PHLPP1: variants seen among roughly 807,000 people sequenced by gnomAD.
PHLPP1 encodes PH domain and leucine rich repeat protein phosphatase 1, also known as PH domain leucine-rich repeat-containing protein phosphatase 1.
In PHLPP1, 42 loss-of-function variants were observed where a neutral mutation model predicts 117.2. The observed-to-expected ratio is 0.36, with a 90% CI of 0.28 to 0.46. The LOEUF (loss-of-function observed/expected upper bound fraction) is 0.46. PHLPP1 is among the 20% of genes least tolerant of loss of function. The probability of loss-of-function intolerance (pLI) is 1.00; values close to 1 mark genes in which losing one functional copy is unlikely to be tolerated. For missense variants in PHLPP1, 2,084 were observed against 2,241.9 expected (o/e 0.93, Z 1.42); for synonymous variants, 1,042 against 970.7 (o/e 1.07, Z -1.37).
At chr18:62,826,919 G>T (rs1313264702) in intron 1 of PHLPP1, among the ~76,000 whole-genome samples, 1 of 152,084 alleles carries the variant, frequency 6.6e-6, no homozygotes, top group Non-Finnish European at 1.5e-5. Flanking sequence ...AGAATCAATT[G>T]AACCTGGGAG....
intron 8 of PHLPP1, among the ~76,000 whole-genome samples, chr18:62,912,302 TAAA>T (rs36028962): frequency 2.3e-5 from 3 of 131,504 alleles, no homozygotes; most frequent in African/African-American, 5.9e-5. Flanking sequence ...TAGAGTATAA[TAAA>T]AAAAAAAAAT....
At chr18:62,824,171 C>T (rs553661935) in intron 1 of PHLPP1, 59 of 454,924 alleles carry the variant, frequency 1.3e-4, no homozygotes, top group South Asian at 8.2e-4. Flanking sequence ...TGTGGAGCAT[C>T]GGGAACTCTC....
At chr18:62,824,103 G>T (rs950974718) in intron 1 of PHLPP1, 3 of 444,426 alleles carry the variant, frequency 6.8e-6, no homozygotes, top group Non-Finnish European at 1.3e-5. Context: ...TTGCACTCCA[G>T]CTGGGCAACA....
intron 10 of PHLPP1, among the ~76,000 whole-genome samples, chr18:62,927,777 CA>C (rs905289576): frequency 6.9e-4 from 101 of 146,582 alleles, no homozygotes; most frequent in Non-Finnish European, 1.1e-3. Context: ...AGAACAAAGA[CA>C]AAAAAAAAAT....
chr18:62,792,397 T>A (rs182478146), intron 1 of PHLPP1, among the ~76,000 whole-genome samples: 3 of 152,338 alleles, frequency 2.0e-5, no homozygotes, highest in East Asian at 3.9e-4. Flanking sequence ...ATGATTTTTT[T>A]ATAATTTTTT....
At chr18:62,762,520 T>G (rs1465084317) in intron 1 of PHLPP1, among the ~76,000 whole-genome samples, 1 of 151,626 alleles carries the variant, frequency 6.6e-6, no homozygotes, top group African/African-American at 2.4e-5. Context: ...TTCAAGCGAT[T>G]CTCCTGTCTC....
chr18:62,882,048 C>G (rs1033023321), intron 4 of PHLPP1, among the ~76,000 whole-genome samples: 3 of 152,170 alleles, frequency 2.0e-5, no homozygotes, highest in African/African-American at 7.2e-5. Flanking sequence ...GACAGCCTCT[C>G]TCATGCATTT....
chr18:62,793,106 C>CAG (rs753245915), intron 1 of PHLPP1, among the ~76,000 whole-genome samples: 1 of 151,870 alleles, frequency 6.6e-6, no homozygotes. Context: ...ACCCAGGAGG[C>CAG]AGAGGTTGCA....
chr18:62,962,386 C>T (rs1910795948), intron 13 of PHLPP1, among the ~76,000 whole-genome samples: 1 of 152,208 alleles, frequency 6.6e-6, no homozygotes, highest in South Asian at 2.1e-4. Flanking sequence ...TGGCTCACCG[C>T]AACCTCCACC....
At chr18:62,842,096 TAGTA>T (rs996824570) in intron 3 of PHLPP1, among the ~76,000 whole-genome samples, 16 of 152,244 alleles carry the variant, frequency 1.1e-4, no homozygotes, top group African/African-American at 2.9e-4. Context: ...TACTGGCACA[TAGTA>T]AGTGAGTAGA....
intron 4 of PHLPP1, among the ~76,000 whole-genome samples, chr18:62,877,039 C>T (rs1916065171): frequency 1.3e-5 from 2 of 152,096 alleles, no homozygotes; most frequent in Non-Finnish European, 1.5e-5. Context: ...AAGAAATGAG[C>T]GATGAGAAAC....
intron 6 of PHLPP1, among the ~76,000 whole-genome samples, chr18:62,898,024 T>C (rs1916611162): frequency 2.0e-5 from 3 of 152,176 alleles, no homozygotes. Context: ...CCTTCTCCTC[T>C]TTCTCCTCTT....
intron 4 of PHLPP1, among the ~76,000 whole-genome samples, chr18:62,887,121 G>T (rs1916305276): frequency 1.3e-5 from 2 of 152,156 alleles, no homozygotes; most frequent in South Asian, 4.1e-4. Flanking sequence ...GCCATTCTTT[G>T]ACCTGTGGCT....
In PHLPP1 at chr18:62,715,663, G is replaced by A. The variant is rs1223647537; in HGVS notation, c.-21G>A. On this transcript the variant is annotated 5_prime_UTR_variant, in exon 1 of 17. Transcript: ENST00000262719. ...GCCCGCTGCCTCCGGAGCTGGGGGG[G>A]AAACGCGAAGCCCCACTGCAATGGA... 7.9e-6 allele frequency: 10 copies of A among 1,269,036 alleles called. No individual in the cohort carries two copies. Among genetic ancestry groups the A allele is most frequent in the South Asian group, 5.8e-5 (2 of 34,414 alleles). 78.6% of individuals were successfully genotyped at this position (1,269,036 alleles called of 1,614,324 possible). A position where few individuals can be genotyped will look rare whatever the true frequency, so the allele number is the denominator to read the frequency against.
In PHLPP1 at chr18:62,900,433, C is replaced by CTTTTTTTTTTTTTTTTTTTTTTTTTTTT. The variant is rs774225759; in HGVS notation, c.2445-2530_2445-2503dup. On this transcript the variant is annotated intron_variant, in intron 6 of 16. Coordinates refer to ENST00000262719, the MANE Select transcript of PHLPP1 (RefSeq NM_194449.4). ...GTATTCTTGTTTTTTCTTTTTCTTT[C>CTTTTTTTTTTTTTTTTTTTTTTTTTTTT]TTTTTTTTTTTTTTTTTTTTTTTTT... 5.5e-5 allele frequency among the ~76,000 whole-genome samples: 3 copies of CTTTTTTTTTTTTTTTTTTTTTTTTTTTT among 54,258 alleles called. 1 individual carries two copies. The highest frequency in any genetic ancestry group is 1.6e-4 in the African/African-American group (2 of 12,284). The allele number at this position is 54,258 out of a possible 152,430, so 35.6% of individuals were successfully genotyped here.
chr18:62,803,966 G>A (rs995747540), intron 1 of PHLPP1, among the ~76,000 whole-genome samples: 2 of 152,048 alleles, frequency 1.3e-5, no homozygotes, highest in African/African-American at 4.8e-5. Context: ...TAGATATTGG[G>A]GGTGGGTGGG....
chr18:62,734,341 T>A (rs1430512441), intron 1 of PHLPP1, among the ~76,000 whole-genome samples: 1 of 152,144 alleles, frequency 6.6e-6, no homozygotes, highest in East Asian at 1.9e-4. Context: ...AAGGAATTTT[T>A]AAAAAAACCT....
intron 4 of PHLPP1, among the ~76,000 whole-genome samples, chr18:62,874,159 G>A (rs1445100941): frequency 6.9e-6 from 1 of 145,912 alleles, no homozygotes; most frequent in Non-Finnish European, 1.5e-5. Flanking sequence ...ACTCCAGCCT[G>A]AGCAATCAGA....
intron 10 of PHLPP1, among the ~76,000 whole-genome samples, chr18:62,923,180 A>G (rs1254884840): frequency 6.6e-6 from 1 of 152,192 alleles, no homozygotes; most frequent in Non-Finnish European, 1.5e-5. Context: ...ATTTTTGAAA[A>G]CAGGGACCGT....
Sources: allele counts gnomAD v4.1 joint callset (sites outside exome capture counted in the v4.1 genomes callset), GRCh38; gene constraint gnomAD v4.1.1; transcripts MANE v1.5; gene names NCBI Gene and HGNC (gene_info 2026-07-23, HGNC 2026-07-21).